The following PRDM16 variants were observed in gnomAD, a reference collection of about 807,000 sequenced individuals.
PRDM16 encodes the protein histone-lysine N-methyltransferase PRDM16.
Under a neutral mutation model 110.6 loss-of-function variants are expected in PRDM16, and 23 were observed. The ratio of observed to expected loss-of-function variants is 0.21; its 90% CI spans 0.15 to 0.29. The LOEUF (loss-of-function observed/expected upper bound fraction) is 0.29. Among genes scored for constraint, PRDM16 ranks in the 10% least tolerant of loss-of-function variants. The probability of loss-of-function intolerance (pLI) is 1.00; values close to 1 mark genes in which losing one functional copy is unlikely to be tolerated. For missense variants in PRDM16, 1,615 were observed against 1,794.3 expected, an observed-to-expected ratio of 0.90 and a Z score of 1.81; for synonymous variants, 799 against 781.8, an observed-to-expected ratio of 1.02 and a Z score of -0.37.
At chr1:3,226,843 TCTC>T (rs1281992669) in intron 2 of PRDM16, among the ~76,000 whole-genome samples, 1 of 152,150 alleles carries the variant, frequency 6.6e-6, no homozygotes, top group Non-Finnish European at 1.5e-5. Flanking sequence ...TCCGAGCACT[TCTC>T]CTAATTGTAC....
chr1:3,070,229 G>C (rs1217376416), intron 1 of PRDM16, among the ~76,000 whole-genome samples: 4 of 151,136 alleles, frequency 2.6e-5, no homozygotes, highest in Non-Finnish European at 5.9e-5. Flanking sequence ...CTTTCGCTCC[G>C]TCTCGGCCGA....
chr1:3,280,513 G>A (rs565284200), intron 3 of PRDM16, among the ~76,000 whole-genome samples: 206 of 152,158 alleles, frequency 1.4e-3, no homozygotes, highest in Non-Finnish European at 1.9e-3. Flanking sequence ...GCGGAGGGAC[G>A]GCGTACATTC....
At chr1:3,222,240 CT>C (rs1200622294) in intron 2 of PRDM16, among the ~76,000 whole-genome samples, 2 of 150,202 alleles carry the variant, frequency 1.3e-5, no homozygotes, top group African/African-American at 4.9e-5. Context: ...CCAGCCCAGC[CT>C]CCCCCAGTGA....
At chr1:3,354,480 T>C (rs867901396) in intron 3 of PRDM16, among the ~76,000 whole-genome samples, 33 of 108,148 alleles carry the variant, frequency 3.1e-4, no homozygotes, top group Admixed American at 2.3e-3. Context: ...AAAAAAAAAA[T>C]ACCTTGCTTA....
intron 3 of PRDM16, among the ~76,000 whole-genome samples, chr1:3,270,430 CCCA>C (rs1640418098): frequency 2.0e-5 from 3 of 148,606 alleles, no homozygotes; most frequent in Admixed American, 6.7e-5. Flanking sequence ...GGAGGACAGT[CCCA>C]GAGGAGCACA....
intron 2 of PRDM16, among the ~76,000 whole-genome samples, chr1:3,237,721 A>C (rs1415440580): frequency 6.6e-6 from 1 of 152,254 alleles, no homozygotes; most frequent in African/African-American, 2.4e-5. Flanking sequence ...GTCCAGGCCA[A>C]GGGGCAGCAC....
rs188076661 is a variant in PRDM16, at chr1:3,419,924, C to T, written c.2939+1180C>T. Among the ~76,000 whole-genome samples, 388 of 151,802 alleles carry T rather than the reference C, an allele frequency of 2.6e-3. 1 individual carries two copies. Among genetic ancestry groups the T allele is most frequent in the African/African-American group, 8.9e-3 (369 of 41,388 alleles). ...CACAGCCCTCCCCAATTCACAGGCC[C>T]CCCCTTACCCACCCTTCAAAAAATA... On this transcript the variant is annotated intron_variant, in intron 12 of 16. Transcript: ENST00000270722.
intron 3 of PRDM16, among the ~76,000 whole-genome samples, chr1:3,285,415 G>A (rs911019539): frequency 6.6e-6 from 1 of 152,172 alleles, no homozygotes; most frequent in African/African-American, 2.4e-5. Flanking sequence ...CTGTGATGCT[G>A]CAAAGCATTC....
intron 3 of PRDM16, among the ~76,000 whole-genome samples, chr1:3,266,537 G>C (rs560088805): frequency 6.6e-6 from 1 of 152,332 alleles, no homozygotes; most frequent in East Asian, 1.9e-4. Context: ...CCGCTCCTCC[G>C]ACGAGGAGAG....
At position 3,370,221 on chromosome 1, in the gene PRDM16, A is replaced by G. The variant is rs1417791927; in HGVS notation, c.439-14931A>G. On this transcript the variant is annotated intron_variant, in intron 3 of 16. Coordinates refer to ENST00000270722, the MANE Select transcript of PRDM16 (RefSeq NM_022114.4). This position sits in a 1 kb window ranked among gnomAD's most constrained non-coding sequence, Gnocchi z 4.8. ...GCCACTGTGACACTGCACCTAGGGG[A>G]AAATTGCAACCATAACACTTTCCAG... Among the ~76,000 whole-genome samples the G allele has an allele frequency of 6.6e-6, 1 of 152,148 alleles. No homozygotes were observed. The highest frequency in any genetic ancestry group is 1.5e-5 in the Non-Finnish European group (1 of 68,032).
chr1:3,366,510 G>C (rs1003157925), intron 3 of PRDM16, among the ~76,000 whole-genome samples: 2 of 152,210 alleles, frequency 1.3e-5, no homozygotes, highest in African/African-American at 2.4e-5. Context: ...AGCCTGCTCC[G>C]GGGGCCAGTG....
At chr1:3,256,349 C>A (rs1460772887) in intron 3 of PRDM16, among the ~76,000 whole-genome samples, 3 of 152,164 alleles carry the variant, frequency 2.0e-5, no homozygotes, top group African/African-American at 4.8e-5. Context: ...TGGGTCCACG[C>A]CCCATTCTAC....
chr1:3,409,451 G>T (rs542093642), intron 8 of PRDM16, among the ~76,000 whole-genome samples: 1 of 152,304 alleles, frequency 6.6e-6, no homozygotes, highest in South Asian at 2.1e-4. Flanking sequence ...GGACGAGCAG[G>T]AAGGTAGAGC....
In PRDM16 at chr1:3,255,476, G is replaced by A. The variant is rs1042351649; in HGVS notation, c.438+11339G>A. On this transcript the variant is annotated intron_variant, in intron 3 of 16. Coordinates refer to ENST00000270722, the MANE Select transcript of PRDM16 (RefSeq NM_022114.4). The surrounding 1 kb of genome is among the most constrained non-coding windows in gnomAD (Gnocchi z 4.7). The stretch of plus-strand genomic sequence containing the variant: ...TGAGCTGTCAACACAGTTGGGCTCA[G>A]AGAGAGGCAAGACAGTGGGGCGGAG... Among the ~76,000 whole-genome samples the A allele has an allele frequency of 5.9e-5, 9 of 152,152 alleles. No homozygotes were observed. Among genetic ancestry groups the A allele is most frequent in the African/African-American group, 1.9e-4 (8 of 41,432 alleles).
chr1:3,283,396 C>T (rs1168811454), intron 3 of PRDM16, among the ~76,000 whole-genome samples: 1 of 152,196 alleles, frequency 6.6e-6, no homozygotes, highest in African/African-American at 2.4e-5. Context: ...CTCCCTCCCT[C>T]CCTCCTGCAG....
intron 14 of PRDM16, among the ~76,000 whole-genome samples, chr1:3,428,864 C>T (rs1449188525): frequency 6.6e-6 from 1 of 152,220 alleles, no homozygotes; most frequent in Non-Finnish European, 1.5e-5. Flanking sequence ...GTAGAGTGGG[C>T]CCCAATCCAG....
chr1:3,098,720 G>A (rs1642464240), intron 1 of PRDM16, among the ~76,000 whole-genome samples: 1 of 152,222 alleles, frequency 6.6e-6, no homozygotes, highest in Admixed American at 6.5e-5. Context: ...TAGTTCAAAG[G>A]AACAAGGGGG....
rs1257030350 is a variant in PRDM16 at position 3,411,990 on chromosome 1, T to C, written c.1793T>C (p.Met598Thr). The C allele has an allele frequency of 1.9e-6, 3 of 1,613,432 alleles. No individual in the cohort carries two copies. Among genetic ancestry groups the C allele is most frequent in the Non-Finnish European group, 2.5e-6 (3 of 1,179,958 alleles). The change falls in exon 9 of 17, where the codon ATG becomes ACG. Residue 598 changes from methionine to threonine, a missense_variant. Coordinates refer to ENST00000270722, the MANE Select transcript of PRDM16 (RefSeq NM_022114.4). ...AAGCTGAAGACCAGGAGCAGCGACATGTCGGACGGCAGTGACTTTGAGGAC... is the reference window on the plus strand; with the variant it reads ...AAGCTGAAGACCAGGAGCAGCGACACGTCGGACGGCAGTGACTTTGAGGAC... ...VEKLKTRSSD[M>T]SDGSDFEDVN...
intron 3 of PRDM16, among the ~76,000 whole-genome samples, chr1:3,384,441 C>G (rs1394154416): frequency 1.3e-5 from 2 of 152,208 alleles, no homozygotes; most frequent in Non-Finnish European, 2.9e-5. Context: ...CAGTGGACAG[C>G]AGGTCAGGTC....
Sources: allele counts gnomAD v4.1 joint callset (sites outside exome capture counted in the v4.1 genomes callset), GRCh38; gene constraint gnomAD v4.1.1; non-coding constraint Gnocchi (gnomAD v3.1); transcripts MANE v1.5; gene names NCBI Gene and HGNC (gene_info 2026-07-23, HGNC 2026-07-21).